Variants in MTUS1 observed in about 807,000 individuals in gnomAD.
MTUS1 encodes microtubule associated scaffold protein 1, also known as microtubule-associated tumor suppressor 1.
Under a neutral mutation model 120.8 loss-of-function variants are expected in MTUS1, and 109 were observed. The observed-to-expected ratio is 0.90, with a 90% CI of 0.77 to 1.06. The LOEUF is 1.06. MTUS1 is among the 50% of genes least tolerant of loss of function. The pLI, the probability that MTUS1 is intolerant of heterozygous loss-of-function variation, is 0.00. For missense variants in MTUS1, 2,210 were observed against 1,486.3 expected (o/e 1.49, Z -8.01); for synonymous variants, 737 against 550.5 (o/e 1.34, Z -4.74).
At chr8:17,719,486 C>T (rs399676) in intron 4 of MTUS1, among the ~76,000 whole-genome samples, 4,478 of 152,232 alleles carry the variant, frequency 0.029, 200 homozygotes, top group African/African-American at 0.1. Flanking sequence ...AGAGAAAGAA[C>T]GAGAACAAAG....
intron 2 of MTUS1, among the ~76,000 whole-genome samples, chr8:17,751,976 T>C (rs1277950053): frequency 6.6e-6 from 1 of 151,514 alleles, no homozygotes; most frequent in African/African-American, 2.4e-5. Flanking sequence ...AAGTATTTCA[T>C]ATCTAATTAT....
chr8:17,787,171 G>T (rs912829976), intron 1 of MTUS1, among the ~76,000 whole-genome samples: 1 of 152,134 alleles, frequency 6.6e-6, no homozygotes, highest in Admixed American at 6.5e-5. Context: ...ACTGCTCCAC[G>T]CCAGGCCAGC....
intron 6 of MTUS1, among the ~76,000 whole-genome samples, chr8:17,695,502 G>GT (rs750200049): frequency 2.6e-5 from 4 of 152,106 alleles, no homozygotes; most frequent in Admixed American, 2.0e-4. Context: ...ATAGTTTTAC[G>GT]TAAGTTTAGA....
intron 8 of MTUS1, among the ~76,000 whole-genome samples, chr8:17,667,013 A>G (rs1361453629): frequency 6.6e-6 from 1 of 152,336 alleles, no homozygotes; most frequent in African/African-American, 2.4e-5. Flanking sequence ...ATTCTACACA[A>G]TAAGGTATTA....
intron 1 of MTUS1, among the ~76,000 whole-genome samples, chr8:17,780,278 T>C (rs1327499918): frequency 1.3e-5 from 2 of 152,186 alleles, no homozygotes; most frequent in Non-Finnish European, 2.9e-5. Flanking sequence ...CCTTCTGCCA[T>C]GATTGGAAGC....
chr8:17,729,271 A>G (rs978375937), intron 3 of MTUS1, among the ~76,000 whole-genome samples: 3 of 152,228 alleles, frequency 2.0e-5, no homozygotes, highest in Non-Finnish European at 4.4e-5. Context: ...AATAAATTAT[A>G]CATACTCAAA....
At chr8:17,730,332 A>T (rs1327964722) in intron 3 of MTUS1, among the ~76,000 whole-genome samples, 1 of 151,996 alleles carries the variant, frequency 6.6e-6, no homozygotes, top group African/African-American at 2.4e-5. Flanking sequence ...AAATACAAAA[A>T]ACATTATCTG....
chr8:17,698,328 T>C (rs1818378973), intron 6 of MTUS1, among the ~76,000 whole-genome samples: 1 of 152,214 alleles, frequency 6.6e-6, no homozygotes, highest in Non-Finnish European at 1.5e-5. Context: ...TTGCCAGTTA[T>C]CTACTAATTT....
intron 7 of MTUS1, among the ~76,000 whole-genome samples, chr8:17,681,318 C>CTTGAA (rs1814439478): frequency 6.6e-6 from 1 of 152,114 alleles, no homozygotes; most frequent in Non-Finnish European, 1.5e-5. Context: ...GTAAAACCGA[C>CTTGAA]CTGAACATGT....
At chr8:17,710,849 C>T (rs1054370998) in intron 6 of MTUS1, among the ~76,000 whole-genome samples, 2 of 152,158 alleles carry the variant, frequency 1.3e-5, no homozygotes, top group Non-Finnish European at 2.9e-5. Context: ...GCTATGTTAG[C>T]AGGTGTGAAA....
intron 8 of MTUS1, among the ~76,000 whole-genome samples, chr8:17,667,086 G>C (rs908522573): frequency 1.3e-5 from 2 of 152,220 alleles, no homozygotes; most frequent in Non-Finnish European, 2.9e-5. Context: ...AGGAGGAACA[G>C]TCAGTGGGTT....
At chr8:17,752,781 T>C (rs2048299137) in intron 2 of MTUS1, among the ~76,000 whole-genome samples, 1 of 152,146 alleles carries the variant, frequency 6.6e-6, no homozygotes, top group Non-Finnish European at 1.5e-5. Flanking sequence ...GCTCCCTTCC[T>C]GGCCCAGAGG....
chr8:17,711,924 C>A (rs1444905760), intron 6 of MTUS1, among the ~76,000 whole-genome samples: 1 of 152,192 alleles, frequency 6.6e-6, no homozygotes, highest in Non-Finnish European at 1.5e-5. Flanking sequence ...AGGGACCAGT[C>A]AGTGGAGCAC....
chr8:17,736,915 T>C (rs1348949098), intron 3 of MTUS1, among the ~76,000 whole-genome samples: 1 of 152,134 alleles, frequency 6.6e-6, no homozygotes. Context: ...TTCATCATCA[T>C]GAATCCAAAA....
chr8:17,678,450 G>A (rs1240272361), intron 7 of MTUS1, among the ~76,000 whole-genome samples: 1 of 152,048 alleles, frequency 6.6e-6, no homozygotes, highest in Non-Finnish European at 1.5e-5. Context: ...AAAAAAAATG[G>A]ATTCACCATA....
intron 6 of MTUS1, among the ~76,000 whole-genome samples, chr8:17,686,158 C>T (rs746688331): frequency 4.6e-5 from 7 of 152,206 alleles, no homozygotes; most frequent in Non-Finnish European, 1.0e-4. Context: ...GAAGAGAAGG[C>T]TCACAGGTGT....
At chr8:17,765,117 T>A (rs1422960789) in intron 1 of MTUS1, among the ~76,000 whole-genome samples, 1 of 152,170 alleles carries the variant, frequency 6.6e-6, no homozygotes, top group Non-Finnish European at 1.5e-5. Context: ...ATACCTCGCA[T>A]GCACAGTTCA....
chr8:17,754,319 T>G lies in MTUS1; in HGVS notation c.1489A>C (p.Thr497Pro), dbSNP rs761269642. The change falls in exon 2 of 15, where the codon ACT becomes CCT. Residue 497 changes from threonine to proline, a missense_variant. By Grantham distance (38) the Thr-to-Pro change is conservative. Coordinates refer to ENST00000693296, the MANE Select transcript of MTUS1 (RefSeq NM_001363059.2). ...NTPIGCKVRK[T>P]EIISYPRPNF... is the part of the protein sequence containing the mutation. ...GGTCTTGGGTAACTTATAATTTCAG[T>G]TTTTCTAACTTTGCAGCCTATTGGG... 3 of 1,614,030 alleles carry G rather than the reference T, an allele frequency of 1.9e-6. No individual in the cohort carries two copies.
At chr8:17,667,648 A>G (rs1424948709) in intron 8 of MTUS1, among the ~76,000 whole-genome samples, 2 of 152,222 alleles carry the variant, frequency 1.3e-5, no homozygotes, top group African/African-American at 2.4e-5. Context: ...GTAGCTATCA[A>G]TGCAAACGAG....
Sources: allele counts gnomAD v4.1 joint callset (sites outside exome capture counted in the v4.1 genomes callset), GRCh38; gene constraint gnomAD v4.1.1; transcripts MANE v1.5; gene names NCBI Gene and HGNC (gene_info 2026-07-23, HGNC 2026-07-21).